The following CTNNA3 variants were observed in gnomAD, a reference collection of about 807,000 sequenced individuals.
CTNNA3 encodes the protein catenin alpha 3.
A neutral mutation model predicts 95.7 loss-of-function variants in CTNNA3; 76 were observed. The observed-to-expected ratio is 0.79, with a 90% CI of 0.66 to 0.96. CTNNA3 has a LOEUF of 0.96. Among genes scored for constraint, CTNNA3 ranks in the 40% least tolerant of loss-of-function variants. The pLI is 0.00. For missense variants in CTNNA3, 1,191 were observed against 1,089.8 expected, an observed-to-expected ratio of 1.09 and a Z score of -1.31; for synonymous variants, 431 against 374.4, an observed-to-expected ratio of 1.15 and a Z score of -1.74.
At chr10:67,074,476 G>A (rs1418178010) in intron 7 of CTNNA3, among the ~76,000 whole-genome samples, 2 of 146,360 alleles carry the variant, frequency 1.4e-5, no homozygotes, top group Non-Finnish European at 3.0e-5. Flanking sequence ...TCAGCCTCCC[G>A]AGTAGCTGGG....
At chr10:67,659,086 C>T (rs1052515644) in intron 1 of CTNNA3, among the ~76,000 whole-genome samples, 1 of 151,636 alleles carries the variant, frequency 6.6e-6, no homozygotes, top group Non-Finnish European at 1.5e-5. Flanking sequence ...ACACATACAA[C>T]CAAAATGAAA....
At chr10:66,728,498 C>A (rs557111031) in intron 9 of CTNNA3, among the ~76,000 whole-genome samples, 20 of 152,300 alleles carry the variant, frequency 1.3e-4, no homozygotes, top group Admixed American at 3.9e-4. Flanking sequence ...ATCATGAAAT[C>A]TTTGCCCCAT....
chr10:67,005,308 G>A (rs1046630530), intron 7 of CTNNA3, among the ~76,000 whole-genome samples: 26 of 152,182 alleles, frequency 1.7e-4, no homozygotes, highest in Non-Finnish European at 1.6e-4. Flanking sequence ...CATCAATGTG[G>A]AAGAGGCATA....
intron 7 of CTNNA3, among the ~76,000 whole-genome samples, chr10:67,076,784 T>C (rs78891408): frequency 0.011 from 1,719 of 152,256 alleles, 38 homozygotes; most frequent in African/African-American, 0.039. Flanking sequence ...TCAAAAGCAA[T>C]GTTCAACTTA....
At chr10:67,324,212 C>CTTAT (rs941846157) in intron 5 of CTNNA3, among the ~76,000 whole-genome samples, 1 of 152,114 alleles carries the variant, frequency 6.6e-6, no homozygotes, top group Non-Finnish European at 1.5e-5. Flanking sequence ...TTTGGATGCT[C>CTTAT]TTATTTTCTT....
intron 5 of CTNNA3, among the ~76,000 whole-genome samples, chr10:67,473,710 A>T (rs1156408615): frequency 6.6e-6 from 1 of 152,186 alleles, no homozygotes; most frequent in African/African-American, 2.4e-5. Context: ...AAAAATAACA[A>T]TACAACAATT....
intron 1 of CTNNA3, among the ~76,000 whole-genome samples, chr10:67,668,097 T>C (rs1840363180): frequency 6.6e-6 from 1 of 152,154 alleles, no homozygotes; most frequent in Admixed American, 6.5e-5. Context: ...TCTCCTGAAC[T>C]ATGTCTCACT....
chr10:67,209,817 T>A lies in CTNNA3; in HGVS notation c.843+9790A>T, dbSNP rs59070577. ...TAAGTTAAAACTAACACCTATTTTT[T>A]AAAATACAGATAAAAGTACTGCTTA... On this transcript the variant is annotated intron_variant, in intron 6 of 17. Transcript: ENST00000433211. Among the ~76,000 whole-genome samples the A allele has an allele frequency of 5.7e-3, 871 of 151,938 alleles. 5 individuals carry two copies. The highest frequency in any genetic ancestry group is 0.018 in the South Asian group (88 of 4,814).
intron 1 of CTNNA3, among the ~76,000 whole-genome samples, chr10:67,762,911 A>G (rs1050849967): frequency 6.6e-6 from 1 of 152,100 alleles, no homozygotes; most frequent in African/African-American, 2.4e-5. Context: ...CCAATTGATC[A>G]CGACCCTCTC....
At chr10:67,108,908 T>G (rs1858783693) in intron 7 of CTNNA3, among the ~76,000 whole-genome samples, 1 of 152,052 alleles carries the variant, frequency 6.6e-6, no homozygotes, top group Admixed American at 6.6e-5. Flanking sequence ...AATCCTCAAA[T>G]GAAAAGGATT....
chr10:67,093,906 A>T (rs1857811766), intron 7 of CTNNA3, among the ~76,000 whole-genome samples: 1 of 152,002 alleles, frequency 6.6e-6, no homozygotes, highest in South Asian at 2.1e-4. Flanking sequence ...AAAGGGACGG[A>T]TAATCTCTTC....
At chr10:66,969,799 A>C (rs1190960383) in intron 7 of CTNNA3, among the ~76,000 whole-genome samples, 2 of 152,114 alleles carry the variant, frequency 1.3e-5, no homozygotes, top group Non-Finnish European at 2.9e-5. Flanking sequence ...TTGAGGAGAA[A>C]AGCTGCCTCT....
chr10:66,445,726 G>T (rs1478363730), intron 11 of CTNNA3, among the ~76,000 whole-genome samples: 4 of 151,428 alleles, frequency 2.6e-5, no homozygotes, highest in African/African-American at 7.3e-5. Flanking sequence ...AAGCAGGAAA[G>T]ATCCAAAATT....
intron 9 of CTNNA3, among the ~76,000 whole-genome samples, chr10:66,690,069 G>A (rs1002622564): frequency 2.0e-5 from 3 of 152,086 alleles, no homozygotes; most frequent in African/African-American, 7.2e-5. Flanking sequence ...ATTTGGAAAA[G>A]GGAAATTAGA....
chr10:67,459,925 CT>C (rs1564664793), intron 5 of CTNNA3, among the ~76,000 whole-genome samples: 2 of 152,168 alleles, frequency 1.3e-5, no homozygotes, highest in African/African-American at 4.8e-5. Flanking sequence ...CCTTTTCTCT[CT>C]TGAAACATTG....
intron 5 of CTNNA3, among the ~76,000 whole-genome samples, chr10:67,238,795 C>T (rs1865605758): frequency 6.6e-6 from 1 of 152,142 alleles, no homozygotes; most frequent in South Asian, 2.1e-4. Flanking sequence ...TATATCTGTT[C>T]ATACTTCTGT....
At chr10:67,002,212 C>G (rs76397049) in intron 7 of CTNNA3, among the ~76,000 whole-genome samples, 17,185 of 152,100 alleles carry the variant, frequency 0.11, 1,232 homozygotes, top group South Asian at 0.28. Context: ...GAATGGGAAG[C>G]TTTTTCAAAA....
intron 9 of CTNNA3, among the ~76,000 whole-genome samples, chr10:66,671,227 G>A (rs1846649664): frequency 6.6e-6 from 1 of 152,030 alleles, no homozygotes; most frequent in Admixed American, 6.6e-5. Context: ...TGTTATAAGA[G>A]CATTAATTGC....
chr10:66,793,167 C>T (rs1489354765), intron 7 of CTNNA3, among the ~76,000 whole-genome samples: 1 of 152,030 alleles, frequency 6.6e-6, no homozygotes, highest in African/African-American at 2.4e-5. Flanking sequence ...TGTTTTAAGA[C>T]AGAGTCTTCA....
Sources: gnomAD v4.1 joint callset for allele counts (sites outside exome capture counted in the v4.1 genomes callset) on GRCh38, gnomAD v4.1.1 for gene constraint, MANE v1.5 for transcripts, NCBI Gene and HGNC (gene_info 2026-07-23, HGNC 2026-07-21) for gene names.